The following PRP4K variants were observed in gnomAD, a reference collection of about 807,000 sequenced individuals.
PRP4K encodes the protein serine/threonine-protein kinase PRP4 homolog.
At chr6:4,049,023 G>A in the PRP4K span, 35 of 1,611,504 alleles carry the variant, frequency 2.2e-5, no homozygotes, top group Non-Finnish European at 2.9e-5. Flanking sequence ...CAGAGTGCTC[G>A]TCTTCGGGCC....
chr6:4,039,720 C>T, the PRP4K span, among the ~76,000 whole-genome samples: 4 of 152,074 alleles, frequency 2.6e-5, no homozygotes, highest in African/African-American at 9.7e-5. Flanking sequence ...ATATTCAGCT[C>T]AATTTGATCT....
chr6:4,021,890 C>T, the PRP4K span, among the ~76,000 whole-genome samples: 2 of 152,178 alleles, frequency 1.3e-5, no homozygotes, highest in African/African-American at 2.4e-5. Flanking sequence ...GTCTTTTCTT[C>T]CTCATGCGGT....
At chr6:4,049,428 G>A in the PRP4K span, 3 of 461,348 alleles carry the variant, frequency 6.5e-6, no homozygotes, top group East Asian at 3.7e-5. Flanking sequence ...ACGACAAACA[G>A]GAAACTTTGG....
the PRP4K span, chr6:4,032,560 G>A: frequency 3.8e-5 from 61 of 1,613,538 alleles, no homozygotes; most frequent in Admixed American, 4.5e-4. Context: ...AGACCTGGTC[G>A]TAGTCCTAAA....
At chr6:4,024,306 C>G in the PRP4K span, among the ~76,000 whole-genome samples, 40 of 152,216 alleles carry the variant, frequency 2.6e-4, no homozygotes, top group South Asian at 7.7e-3. Context: ...GAGTTTGAAT[C>G]TAGCCCAGGC....
At chr6:4,047,901 T>TAC in the PRP4K span, among the ~76,000 whole-genome samples, 12,385 of 141,858 alleles carry the variant, frequency 0.087, 546 homozygotes, top group African/African-American at 0.11. Flanking sequence ...CATGTATATG[T>TAC]ACACACACAC....
At chr6:4,026,666 A>C in the PRP4K span, among the ~76,000 whole-genome samples, 1 of 152,216 alleles carries the variant, frequency 6.6e-6, no homozygotes, top group African/African-American at 2.4e-5. Flanking sequence ...TATAGATTAG[A>C]TAATCTAGGC....
At chr6:4,059,468 T>A in the PRP4K span, among the ~76,000 whole-genome samples, 1 of 152,340 alleles carries the variant, frequency 6.6e-6, no homozygotes, top group South Asian at 2.1e-4. Context: ...ATTTCCTTAT[T>A]TTTGTCCCAT....
the PRP4K span, chr6:4,050,018 G>GTTT: frequency 6.1e-4 from 11 of 18,086 alleles, 2 homozygotes; most frequent in Non-Finnish European, 1.3e-3. Context: ...GGAAACAGTT[G>GTTT]TTTTTTTTTT....
the PRP4K span, chr6:4,052,148 C>T: frequency 3.7e-5 from 56 of 1,496,270 alleles, 1 homozygote; most frequent in Middle Eastern, 8.8e-4. Flanking sequence ...TTCATCTTTA[C>T]GATCTCATTT....
the PRP4K span, among the ~76,000 whole-genome samples, chr6:4,038,799 C>T: frequency 6.6e-6 from 1 of 151,690 alleles, no homozygotes; most frequent in African/African-American, 2.4e-5. Context: ...TAAAAAATGT[C>T]TTGTGTTCTG....
the PRP4K span, chr6:4,021,363 T>A: frequency 1.3e-6 from 2 of 1,550,872 alleles, no homozygotes; most frequent in African/African-American, 1.4e-5. Flanking sequence ...CTTCCTCCAC[T>A]TCCCCTACCC....
chr6:4,044,868 T>A, the PRP4K span, among the ~76,000 whole-genome samples: 2 of 148,570 alleles, frequency 1.3e-5, no homozygotes, highest in African/African-American at 4.9e-5. Context: ...TTATTATTTT[T>A]TTTTTTTTTT....
chr6:4,040,583 T>C, the PRP4K span, among the ~76,000 whole-genome samples: 1 of 152,248 alleles, frequency 6.6e-6, no homozygotes. Flanking sequence ...CTTTCTGATG[T>C]TCTGTTCTTT....
chr6:4,037,365 A>G, the PRP4K span: 5 of 1,507,554 alleles, frequency 3.3e-6, no homozygotes, highest in South Asian at 1.3e-5. Flanking sequence ...TTTGATTTAT[A>G]TTTCTTTTAA....
At chr6:4,054,891 A>G in the PRP4K span, among the ~76,000 whole-genome samples, 2 of 152,372 alleles carry the variant, frequency 1.3e-5, no homozygotes, top group Admixed American at 6.5e-5. Context: ...CTTTGTGACC[A>G]TTGTGGAGGT....
At chr6:4,047,887 TAGTC>T in the PRP4K span, among the ~76,000 whole-genome samples, 1 of 140,728 alleles carries the variant, frequency 7.1e-6, no homozygotes, top group African/African-American at 2.6e-5. Context: ...GTAAGATAAA[TAGTC>T]ATGTATATGT....
At chr6:4,060,899 G>T in the PRP4K span, 1 of 369,808 alleles carries the variant, frequency 2.7e-6, no homozygotes, top group Non-Finnish European at 4.9e-6. The surrounding 1 kb of genome is among the most constrained non-coding windows in gnomAD (Gnocchi z 4.7). Flanking sequence ...AAAAGCATCT[G>T]TTATGAAATG....
chr6:4,052,170 T>C, the PRP4K span: 2 of 1,430,998 alleles, frequency 1.4e-6, no homozygotes, highest in South Asian at 1.5e-5. Flanking sequence ...GGATAAATGC[T>C]GTAACAGATT....
Sources: gnomAD v4.1 joint callset for allele counts (sites outside exome capture counted in the v4.1 genomes callset) on GRCh38, gnomAD v4.1.1 for gene constraint, Gnocchi (gnomAD v3.1) non-coding constraint, MANE v1.5 for transcripts, NCBI Gene and HGNC (gene_info 2026-07-23, HGNC 2026-07-21) for gene names.